PITPNA: variants seen among roughly 807,000 people sequenced by gnomAD.
PITPNA encodes phosphatidylinositol transfer protein alpha, also known as phosphatidylinositol transfer protein alpha isoform.
In PITPNA, 13 loss-of-function variants were observed where a neutral mutation model predicts 50.3. That is an observed-to-expected ratio of 0.26 (90% CI 0.17 to 0.41). The LOEUF (loss-of-function observed/expected upper bound fraction) is 0.41, where lower values mean the gene tolerates loss of function less well. Among genes scored for constraint, PITPNA ranks in the 10% least tolerant of loss-of-function variants. The pLI is 1.00. For missense variants in PITPNA, 207 were observed against 333.4 expected (o/e 0.62, Z 2.95); for synonymous variants, 120 against 119.6 (o/e 1.00, Z -0.02).
At chr17:1,531,375 C>G (rs775216187) in intron 10 of PITPNA, among the ~76,000 whole-genome samples, 1 of 151,990 alleles carries the variant, frequency 6.6e-6, no homozygotes, top group Non-Finnish European at 1.5e-5. Flanking sequence ...GAGGTTCCCC[C>G]CACTGTAACT....
chr17:1,555,399 T>G (rs1290303061), intron 2 of PITPNA, among the ~76,000 whole-genome samples: 1 of 152,212 alleles, frequency 6.6e-6, no homozygotes, highest in East Asian at 1.9e-4. Flanking sequence ...CTTTTCACGT[T>G]AGAGTTCCTT....
intron 4 of PITPNA, among the ~76,000 whole-genome samples, chr17:1,546,021 A>G (rs1476368430): frequency 2.7e-5 from 4 of 146,458 alleles, no homozygotes; most frequent in Non-Finnish European, 6.0e-5. Context: ...TCCGCCTCCC[A>G]GGTTCAAGCG....
chr17:1,543,102 C>T, intron 4 of PITPNA, 75 bp from the exon 5 acceptor site: 1 of 1,195,426 alleles, frequency 8.4e-7, no homozygotes, highest in Non-Finnish European at 1.2e-6. Context: ...CCCCCCACCC[C>T]CCACAAGGAG....
chr17:1,549,950 C>T (rs925098745), intron 3 of PITPNA, among the ~76,000 whole-genome samples: 3 of 152,210 alleles, frequency 2.0e-5, no homozygotes, highest in Admixed American at 2.0e-4. Context: ...GCGGGGATTA[C>T]AGGCGTGAGC....
At chr17:1,545,548 AC>A (rs1218528762) in intron 4 of PITPNA, among the ~76,000 whole-genome samples, 1 of 152,180 alleles carries the variant, frequency 6.6e-6, no homozygotes, top group African/African-American at 2.4e-5. Context: ...GAGGAAACCA[AC>A]CTTCCTTCCC....
intron 7 of PITPNA, among the ~76,000 whole-genome samples, chr17:1,536,997 C>G (rs1288794748): frequency 6.6e-6 from 1 of 150,460 alleles, no homozygotes; most frequent in Non-Finnish European, 1.5e-5. Context: ...CTCCTGAGTT[C>G]CAGTGATCCT....
intron 3 of PITPNA, among the ~76,000 whole-genome samples, chr17:1,550,751 AG>A (rs1350169119): frequency 4.5e-4 from 69 of 152,326 alleles, no homozygotes; most frequent in African/African-American, 1.6e-3. Context: ...GCTGGCTAAA[AG>A]GTCCTATAAG....
At chr17:1,560,365 G>A (rs1356860763) in intron 1 of PITPNA, among the ~76,000 whole-genome samples, 1 of 149,828 alleles carries the variant, frequency 6.7e-6, no homozygotes, top group Admixed American at 6.6e-5. Context: ...CTGCAACGCT[G>A]CGGCCACAGC....
chr17:1,554,897 C>A (rs34365344), intron 2 of PITPNA, among the ~76,000 whole-genome samples: 1 of 152,170 alleles, frequency 6.6e-6, no homozygotes, highest in Non-Finnish European at 1.5e-5. Context: ...CTTGCTAATC[C>A]TAAGCTGCAT....
chr17:1,521,317 G>T (rs1598401240), intron 11 of PITPNA, among the ~76,000 whole-genome samples: 1 of 151,858 alleles, frequency 6.6e-6, no homozygotes. Context: ...GGAGTGATTC[G>T]CAGCAGATGA....
At chr17:1,539,173 T>C (rs1364583880) in intron 6 of PITPNA, among the ~76,000 whole-genome samples, 1 of 152,150 alleles carries the variant, frequency 6.6e-6, no homozygotes, top group Admixed American at 6.5e-5. Context: ...GCAATGGCTA[T>C]CCACAGGAGT....
At chr17:1,559,182 GA>G (rs1376016597) in intron 1 of PITPNA, among the ~76,000 whole-genome samples, 2 of 152,138 alleles carry the variant, frequency 1.3e-5, no homozygotes, top group Non-Finnish European at 2.9e-5. Flanking sequence ...CTCGGGGCTG[GA>G]TATTACAATC....
chr17:1,522,272 C>T (rs1245335256), intron 10 of PITPNA, among the ~76,000 whole-genome samples: 2 of 151,180 alleles, frequency 1.3e-5, no homozygotes, highest in African/African-American at 4.9e-5. Flanking sequence ...GGGGTTTCAC[C>T]TTGTTAGCCA....
At chr17:1,544,531 A>T (rs2075663507) in intron 4 of PITPNA, among the ~76,000 whole-genome samples, 1 of 152,226 alleles carries the variant, frequency 6.6e-6, no homozygotes, top group Non-Finnish European at 1.5e-5. Flanking sequence ...ACACCTCTGC[A>T]TTCCAGTATT....
At chr17:1,558,639 G>T in intron 1 of PITPNA, 80 bp from the exon 2 acceptor site, 1 of 977,550 alleles carries the variant, frequency 1.0e-6, no homozygotes. Flanking sequence ...TCCTAAAACA[G>T]TCAGCAGCAT....
intron 7 of PITPNA, among the ~76,000 whole-genome samples, chr17:1,537,674 T>C (rs9303182): frequency 0.034 from 5,139 of 152,334 alleles, 254 homozygotes; most frequent in African/African-American, 0.11. Context: ...TTGCTGTATA[T>C]GTTAAACTTC....
At chr17:1,529,869 A>AAAAAG (rs1555530805) in intron 10 of PITPNA, among the ~76,000 whole-genome samples, 11 of 152,212 alleles carry the variant, frequency 7.2e-5, no homozygotes, top group African/African-American at 2.6e-4. Context: ...GAAAAAAAAA[A>AAAAAG]AAAGAAAACA....
intron 10 of PITPNA, among the ~76,000 whole-genome samples, chr17:1,529,175 G>A (rs1459449708): frequency 7.1e-6 from 1 of 140,766 alleles, no homozygotes; most frequent in Non-Finnish European, 1.5e-5. Flanking sequence ...GAGACTCCAT[G>A]AGGGCAGTGT....
At chr17:1,545,942 T>TTTTTTTA (rs1343399914) in intron 4 of PITPNA, among the ~76,000 whole-genome samples, 4 of 115,238 alleles carry the variant, frequency 3.5e-5, no homozygotes, top group African/African-American at 1.0e-4. Flanking sequence ...TTTTTTTTTT[T>TTTTTTTA]AATAAACGGA....
Sources: gnomAD v4.1 joint callset for allele counts (sites outside exome capture counted in the v4.1 genomes callset) on GRCh38, gnomAD v4.1.1 for gene constraint, MANE v1.5 for transcripts, NCBI Gene and HGNC (gene_info 2026-07-23, HGNC 2026-07-21) for gene names.